Variants in RBFOX1 observed in about 807,000 individuals in gnomAD.
The protein encoded by RBFOX1 is RNA binding fox-1 homolog 1.
In RBFOX1, 8 loss-of-function variants were observed where a neutral mutation model predicts 57.7. That is an observed-to-expected ratio of 0.14 (90% CI 0.08 to 0.25). The LOEUF is 0.25. Ranked by LOEUF, RBFOX1 falls within the 10% of genes least tolerant of loss-of-function variation. The pLI is 1.00. For synonymous variants in RBFOX1, 326 were observed against 222.4 expected, an observed-to-expected ratio of 1.47 and a Z score of -4.15; for missense variants, 611 against 548.5, an observed-to-expected ratio of 1.11 and a Z score of -1.14.
At chr16:6,965,266 A>T (rs77717827) in intron 3 of RBFOX1, among the ~76,000 whole-genome samples, 1,856 of 152,050 alleles carry the variant, frequency 0.012, 48 homozygotes, top group African/African-American at 0.042. Context: ...TGGAGAATTC[A>T]GGACTAGAAT....
At chr16:6,442,886 T>C (rs12598191) in intron 2 of RBFOX1, among the ~76,000 whole-genome samples, 2,891 of 152,244 alleles carry the variant, frequency 0.019, 78 homozygotes, top group East Asian at 0.13. Flanking sequence ...GGTGCAAAAA[T>C]GATTGTGTGT....
chr16:7,170,497 A>T (rs1339093013), intron 4 of RBFOX1, among the ~76,000 whole-genome samples: 2 of 152,170 alleles, frequency 1.3e-5, no homozygotes, highest in Non-Finnish European at 2.9e-5. Flanking sequence ...ATTGGTCTCA[A>T]ATTCCTCAGC....
At chr16:6,928,220 C>A (rs190927985) in intron 3 of RBFOX1, among the ~76,000 whole-genome samples, 1 of 152,090 alleles carries the variant, frequency 6.6e-6, no homozygotes. Flanking sequence ...GTACTGCCCC[C>A]GAAGATTCTG....
intron 14 of RBFOX1, among the ~76,000 whole-genome samples, chr16:7,690,697 A>G (rs1195756890): frequency 6.6e-6 from 1 of 151,946 alleles, no homozygotes; most frequent in Non-Finnish European, 1.5e-5. Flanking sequence ...TTGTTTGGAT[A>G]TAGCGGAGAC....
rs556359448 is a variant in RBFOX1, at chr16:6,725,049, T to C, written c.-16+70399T>C. On this transcript the variant is annotated intron_variant, in intron 3 of 15. Transcript: ENST00000550418. Reference sequence around the variant, plus strand: ...CCTCTTGGTTTTGGCTAGCTTTTTTTTTTTTTTTCTTTTTTTTTTGAGACA... The same window carrying C: ...CCTCTTGGTTTTGGCTAGCTTTTTTCTTTTTTTTCTTTTTTTTTTGAGACA... Among the ~76,000 whole-genome samples, 111 of 46,710 alleles carry C rather than the reference T, an allele frequency of 2.4e-3. 4 individuals carry two copies. The East Asian group carries it at 0.083, about 35-fold the overall frequency. The allele number at this position is 46,710 out of a possible 152,430, so 30.6% of individuals were successfully genotyped here.
chr16:5,829,992 C>T (rs188668301), intron 3 of RBFOX1, among the ~76,000 whole-genome samples: 138 of 152,282 alleles, frequency 9.1e-4, no homozygotes, highest in African/African-American at 3.2e-3. Flanking sequence ...CTTCCTCTTG[C>T]TTCCAGTCTC....
rs139322918 is a variant in RBFOX1, at chr16:7,346,142, A to G, written c.28-172005A>G. On this transcript the variant is annotated intron_variant, in intron 4 of 15. Coordinates refer to ENST00000550418, the MANE Select transcript of RBFOX1 (RefSeq NM_018723.4). ...GGTTTCTAGCTTCATCCGTGTCCCTACAAAGGACATGAACTCATCCTTTTT... is the reference window on the plus strand; with the variant it reads ...GGTTTCTAGCTTCATCCGTGTCCCTGCAAAGGACATGAACTCATCCTTTTT... Among the ~76,000 whole-genome samples, 486 of 152,238 alleles carry G rather than the reference A, an allele frequency of 3.2e-3. 3 individuals are homozygous for G. The Middle Eastern group carries it at 0.048, about 15-fold the overall frequency.
intron 2 of RBFOX1, among the ~76,000 whole-genome samples, chr16:6,439,643 TGTGTGGCTCAGAACTACTTCTA>T (rs1371672116): frequency 6.6e-6 from 1 of 152,178 alleles, no homozygotes; most frequent in Non-Finnish European, 1.5e-5. Context: ...TATTCTCTCC[TGTGTGGCTCAGAACTACTTCTA>T]GTTGCTAAGC....
chr16:6,433,110 T>C (rs2094142720), intron 2 of RBFOX1, among the ~76,000 whole-genome samples: 1 of 152,236 alleles, frequency 6.6e-6, no homozygotes, highest in Non-Finnish European at 1.5e-5. Context: ...GGAGCTCAGA[T>C]GGAAGCCATT....
chr16:6,150,651 G>A (rs372171637), intron 1 of RBFOX1, among the ~76,000 whole-genome samples: 12 of 152,120 alleles, frequency 7.9e-5, no homozygotes, highest in South Asian at 2.1e-4. Flanking sequence ...ACACACTTAC[G>A]GAAATTATCT....
At chr16:6,455,658 C>T (rs1311506814) in intron 2 of RBFOX1, among the ~76,000 whole-genome samples, 1 of 152,170 alleles carries the variant, frequency 6.6e-6, no homozygotes, top group Non-Finnish European at 1.5e-5. Flanking sequence ...CTCATATCAC[C>T]ATGAATATAT....
Position 7,469,268 on chromosome 16 carries a change from C to T in RBFOX1, c.28-48879C>T, listed in dbSNP as rs573295925. 8.6e-5 allele frequency among the ~76,000 whole-genome samples: 13 copies of T among 151,748 alleles called. No individual in the cohort carries two copies. In the South Asian group the frequency reaches 1.3e-3, roughly 15 times the overall value. ...TAGTAGAGACAGGGTTTCACCATGT[C>T]GGTCAGGCTGGTCTCGAACCCCTGA... is the stretch of plus-strand genomic sequence containing the variant. On this transcript the variant is annotated intron_variant, in intron 4 of 15. Coordinates refer to ENST00000550418, the MANE Select transcript of RBFOX1 (RefSeq NM_018723.4).
chr16:7,466,284 G>A (rs1757805023), intron 4 of RBFOX1, among the ~76,000 whole-genome samples: 1 of 152,160 alleles, frequency 6.6e-6, no homozygotes, highest in African/African-American at 2.4e-5. Flanking sequence ...GCTGTTTATG[G>A]TTTTACCAGA....
chr16:7,332,919 G>T lies in RBFOX1; in HGVS notation c.28-185228G>T, dbSNP rs550082744. On this transcript the variant is annotated intron_variant, in intron 4 of 15. Transcript: ENST00000550418. ...GATTTGGCTCCCAGCTTTGTAGTTC[G>T]GAAGAAGTTGGGTCTATAGATTTCC... 3 of 1,598,164 alleles carry T rather than the reference G, an allele frequency of 1.9e-6. No homozygotes were observed. In the East Asian group the frequency reaches 6.7e-5, roughly 36 times the overall value.
chr16:7,164,435 A>G (rs116750797), intron 4 of RBFOX1, among the ~76,000 whole-genome samples: 1,543 of 152,290 alleles, frequency 0.01, 27 homozygotes, highest in African/African-American at 0.035. Flanking sequence ...TACGTCTACA[A>G]GTGTCTTTTT....
intron 3 of RBFOX1, among the ~76,000 whole-genome samples, chr16:5,707,812 C>G (rs532747547): frequency 2.0e-5 from 3 of 152,286 alleles, no homozygotes; most frequent in South Asian, 4.1e-4. Flanking sequence ...AGACACTTGA[C>G]AAAGATTTAT....
intron 3 of RBFOX1, among the ~76,000 whole-genome samples, chr16:5,773,699 T>A (rs1040820153): frequency 1.3e-5 from 2 of 152,186 alleles, no homozygotes; most frequent in Non-Finnish European, 1.5e-5. Flanking sequence ...TGTGCATTTT[T>A]ATTTTATTTT....
chr16:6,576,927 T>A (rs180727215), intron 2 of RBFOX1: 1 of 152,324 alleles, frequency 6.6e-6, no homozygotes, highest in East Asian at 1.9e-4. Flanking sequence ...ATAAAGAACC[T>A]GTAAAGAACC....
intron 4 of RBFOX1, among the ~76,000 whole-genome samples, chr16:7,069,611 G>T (rs1266030704): frequency 6.6e-6 from 1 of 152,148 alleles, no homozygotes; most frequent in Admixed American, 6.5e-5. Context: ...TAAGCAAGAA[G>T]CATCATGGAA....
Sources: gnomAD v4.1 joint callset for allele counts (sites outside exome capture counted in the v4.1 genomes callset) on GRCh38, gnomAD v4.1.1 for gene constraint, MANE v1.5 for transcripts, NCBI Gene and HGNC (gene_info 2026-07-23, HGNC 2026-07-21) for gene names.